The following SLC15A1 variants were observed in gnomAD, a reference collection of about 807,000 sequenced individuals.
The protein encoded by SLC15A1 is Caco-2 oligopeptide transporter.
SLC15A1 carries 83 observed loss-of-function variants against 92.9 expected under a neutral mutation model. The observed-to-expected ratio is 0.89, with a 90% CI of 0.75 to 1.07. The LOEUF (loss-of-function observed/expected upper bound fraction) is 1.07, where lower values mean the gene tolerates loss of function less well. SLC15A1 is among the 50% of genes least tolerant of loss of function. The probability of loss-of-function intolerance (pLI) is 0.00; values close to 1 mark genes in which losing one functional copy is unlikely to be tolerated. For missense variants in SLC15A1, 857 were observed against 880.1 expected (o/e 0.97, Z 0.33); for synonymous variants, 322 against 318.2 (o/e 1.01, Z -0.13).
chr13:98,745,753 T>C (rs936969156), intron 1 of SLC15A1, among the ~76,000 whole-genome samples: 3 of 152,238 alleles, frequency 2.0e-5, no homozygotes, highest in African/African-American at 7.2e-5. Flanking sequence ...AAGACTTTTC[T>C]GTTGTTTCAA....
chr13:98,703,190 G>A (rs2088083855), intron 17 of SLC15A1, among the ~76,000 whole-genome samples: 1 of 135,004 alleles, frequency 7.4e-6, no homozygotes, highest in African/African-American at 2.7e-5. Context: ...GGGAGGGAGG[G>A]AGGGAGGGAA....
chr13:98,723,287 C>T (rs1392219443), intron 5 of SLC15A1, among the ~76,000 whole-genome samples: 1 of 152,184 alleles, frequency 6.6e-6, no homozygotes, highest in Non-Finnish European at 1.5e-5. Context: ...ATTGCCGATA[C>T]TAATTTGAGT....
At chr13:98,712,435 G>C in intron 10 of SLC15A1, 63 bp downstream of exon 10, 1 of 1,269,406 alleles carries the variant, frequency 7.9e-7, no homozygotes, top group Non-Finnish European at 1.1e-6. Context: ...AATCTGAATT[G>C]AGATTTTTCA....
chr13:98,711,901 A>C lies in SLC15A1; in HGVS notation c.853T>G (p.Phe285Val), dbSNP rs778247771. The C allele has an allele frequency of 1.3e-5, 21 of 1,613,434 alleles. No individual in the cohort carries two copies. In the South Asian group the frequency reaches 2.3e-4, roughly 18 times the overall value. The part of the protein sequence containing the change: ...SQIKMVTRVM[F>V]LYIPLPMFWA... ...AACATTGGGAGTGGAATATACAGGA[A>C]CATCACCCTCGTAACCATCTTAATT... Residue 285 changes from phenylalanine (F) to valine (V), a missense_variant, in exon 11 of 23, where the codon TTC (phenylalanine) becomes GTC (valine). Coordinates refer to ENST00000376503, the MANE Select transcript of SLC15A1 (RefSeq NM_005073.4).
At chr13:98,707,277 A>G (rs1461066021) in intron 15 of SLC15A1, among the ~76,000 whole-genome samples, 2 of 152,240 alleles carry the variant, frequency 1.3e-5, no homozygotes, top group Non-Finnish European at 1.5e-5. Flanking sequence ...GAATGGATGA[A>G]CAATGTGGTG....
At chr13:98,699,262 A>C (rs1390115869) in intron 18 of SLC15A1, among the ~76,000 whole-genome samples, 5 of 152,232 alleles carry the variant, frequency 3.3e-5, no homozygotes, top group African/African-American at 1.2e-4. Context: ...TTTTAACCAC[A>C]GAGCTATGGC....
At chr13:98,713,194 C>T (rs1280873017) in intron 9 of SLC15A1, among the ~76,000 whole-genome samples, 3 of 152,100 alleles carry the variant, frequency 2.0e-5, no homozygotes, top group African/African-American at 4.8e-5. Flanking sequence ...GTAGCTGGGA[C>T]CACGGGTATG....
intron 1 of SLC15A1, among the ~76,000 whole-genome samples, chr13:98,743,806 G>A (rs1480382700): frequency 6.6e-6 from 1 of 151,978 alleles, no homozygotes; most frequent in Non-Finnish European, 1.5e-5. Context: ...CCAGACTGCC[G>A]AGGGTAAATA....
intron 1 of SLC15A1, among the ~76,000 whole-genome samples, chr13:98,739,512 C>T (rs1384377182): frequency 6.6e-6 from 1 of 152,148 alleles, no homozygotes; most frequent in African/African-American, 2.4e-5. Context: ...ATACTGTCCT[C>T]ACAATAGTGA....
chr13:98,724,804 T>C (rs1364191531), intron 4 of SLC15A1, among the ~76,000 whole-genome samples: 2 of 152,214 alleles, frequency 1.3e-5, no homozygotes, highest in Non-Finnish European at 2.9e-5. Flanking sequence ...TTACTTATAT[T>C]CTGATTGGTA....
At chr13:98,742,163 G>A (rs973004847) in intron 1 of SLC15A1, among the ~76,000 whole-genome samples, 4 of 152,206 alleles carry the variant, frequency 2.6e-5, no homozygotes, top group African/African-American at 9.6e-5. Context: ...CAGGACCCCC[G>A]AGGATTCTGG....
At chr13:98,700,509 G>A (rs1019174384) in intron 18 of SLC15A1, among the ~76,000 whole-genome samples, 1 of 52,382 alleles carries the variant, frequency 1.9e-5, no homozygotes, top group African/African-American at 7.5e-5. Flanking sequence ...AAAAAAAAAG[G>A]GTGACATCGA....
intron 1 of SLC15A1, among the ~76,000 whole-genome samples, chr13:98,742,364 G>A (rs1251975209): frequency 6.6e-6 from 1 of 152,184 alleles, no homozygotes; most frequent in Non-Finnish European, 1.5e-5. Flanking sequence ...CCTCTTCCAT[G>A]CAAAGTCTGT....
intron 1 of SLC15A1, among the ~76,000 whole-genome samples, chr13:98,736,587 A>G (rs911454466): frequency 5.9e-5 from 9 of 152,228 alleles, no homozygotes; most frequent in Non-Finnish European, 1.2e-4. Context: ...TTTGCAATCT[A>G]CTCGTCTGAC....
chr13:98,699,227 G>C (rs1031536003), intron 18 of SLC15A1, among the ~76,000 whole-genome samples: 1 of 152,110 alleles, frequency 6.6e-6, no homozygotes, highest in Admixed American at 6.6e-5. Flanking sequence ...GGGGGAGTGG[G>C]ACTGGGCAAG....
Position 98,746,637 on chromosome 13 carries a change from TCTAAATGC to T in SLC15A1, c.4+5950_4+5957del, listed in dbSNP as rs559889227. Among the ~76,000 whole-genome samples the T allele has an allele frequency of 6.1e-4, 93 of 152,364 alleles. 1 individual carries two copies. The highest frequency in any genetic ancestry group is 3.4e-3 in the Middle Eastern group (1 of 294). ...GTCACTAGGGGCAGATTGTAGAAGT[TCTAAATGC>T]CTAGTTTGAGAACTTTTAACGAGCC... On this transcript the variant is annotated intron_variant, in intron 1 of 22. Transcript: ENST00000376503.
Position 98,726,278 on chromosome 13 carries a change from C to T in SLC15A1, c.104-14G>A, listed in dbSNP as rs1314466563. The T allele has an allele frequency of 1.2e-6, 2 of 1,613,946 alleles. No individual in the cohort carries two copies. The highest frequency in any genetic ancestry group is 2.2e-5 in the East Asian group (1 of 44,860). The stretch of plus-strand genomic sequence containing the variant: ...GAATCAGGATTGCTTTTGCAGAGGG[C>T]AGGTGGAAGAGGAGGGGGAAACAAA... On this transcript the variant is annotated splice_polypyrimidine_tract_variant and intron_variant, in intron 3 of 22. Transcript: ENST00000376503.
chr13:98,686,166 G>C, intron 22 of SLC15A1, 24 bp downstream of exon 22: 1 of 1,533,176 alleles, frequency 6.5e-7, no homozygotes, highest in Non-Finnish European at 9.0e-7. Context: ...AGAGGTATGT[G>C]CAATCTCCTC....
At chr13:98,734,113 G>A (rs2088371188) in intron 1 of SLC15A1, among the ~76,000 whole-genome samples, 1 of 152,122 alleles carries the variant, frequency 6.6e-6, no homozygotes, top group Non-Finnish European at 1.5e-5. Context: ...TTACAGGTGT[G>A]TGCCACCATG....
Sources: gnomAD v4.1 joint callset for allele counts (sites outside exome capture counted in the v4.1 genomes callset) on GRCh38, gnomAD v4.1.1 for gene constraint, MANE v1.5 for transcripts, NCBI Gene and HGNC (gene_info 2026-07-23, HGNC 2026-07-21) for gene names.